Variants in PCDH9 observed in about 807,000 individuals in gnomAD.
PCDH9 encodes the protein protocadherin 9, also known as protocadherin-9.
A neutral mutation model predicts 70.6 loss-of-function variants in PCDH9; 24 were observed. The ratio of observed to expected loss-of-function variants is 0.34; its 90% CI spans 0.25 to 0.48. The LOEUF (loss-of-function observed/expected upper bound fraction) is 0.48. Among genes scored for constraint, PCDH9 ranks in the 20% least tolerant of loss-of-function variants. The pLI is 0.99. For synonymous variants in PCDH9, 562 were observed against 558.5 expected (o/e 1.01, Z -0.09); for missense variants, 1,281 against 1,503.6 (o/e 0.85, Z 2.45).
intron 4 of PCDH9, among the ~76,000 whole-genome samples, chr13:66,568,366 G>A (rs2076681700): frequency 6.6e-6 from 1 of 151,754 alleles, no homozygotes; most frequent in South Asian, 2.1e-4. Flanking sequence ...TTTTACAGCA[G>A]ACTAAGATAA....
rs140924730 is a variant in PCDH9 at position 66,873,717 on chromosome 13, A to C, written c.3138+29787T>G. ...CTTCCCAAGCCTTCCTCTTTTCCAG[A>C]TATACCATATTCCTGGTTGCCACAG... On this transcript the variant is annotated intron_variant, in intron 3 of 4. Coordinates refer to ENST00000377865, the MANE Select transcript of PCDH9 (RefSeq NM_203487.3). Among the ~76,000 whole-genome samples, 172 of 152,040 alleles carry C rather than the reference A, an allele frequency of 1.1e-3. 1 individual carries two copies. Among genetic ancestry groups the C allele is most frequent in the African/African-American group, 3.9e-3 (163 of 41,484 alleles).
At chr13:66,676,035 C>T (rs925111704) in intron 3 of PCDH9, among the ~76,000 whole-genome samples, 9 of 152,152 alleles carry the variant, frequency 5.9e-5, no homozygotes, top group African/African-American at 1.9e-4. Context: ...TGCATCTAGA[C>T]GATTTTGACA....
intron 4 of PCDH9, among the ~76,000 whole-genome samples, chr13:66,485,846 A>C (rs923568515): frequency 6.6e-6 from 1 of 151,516 alleles, no homozygotes; most frequent in Non-Finnish European, 1.5e-5. Flanking sequence ...GGTTCAAGTG[A>C]TTCTCATGTA....
In PCDH9 at chr13:67,172,972, C is replaced by T. The variant is rs1039085576; in HGVS notation, c.3036+52433G>A. Among the ~76,000 whole-genome samples, 6 of 150,034 alleles carry T rather than the reference C, an allele frequency of 4.0e-5. No individual in the cohort carries two copies. The East Asian group carries it at 1.2e-3, about 30-fold the overall frequency. ...AAAGTCTTAAATATTGCAGGACTAA[C>T]TAAAATAATGCAGAAAACATAACTT... On this transcript the variant is annotated intron_variant, in intron 2 of 4. Transcript: ENST00000377865.
intron 3 of PCDH9, among the ~76,000 whole-genome samples, chr13:66,713,352 G>C (rs2078820820): frequency 1.3e-5 from 2 of 151,772 alleles, no homozygotes; most frequent in Admixed American, 6.6e-5. Context: ...AATGATTGCT[G>C]TCTTAGGAAA....
intron 4 of PCDH9, among the ~76,000 whole-genome samples, chr13:66,585,805 G>C (rs1169444810): frequency 1.3e-5 from 2 of 152,034 alleles, no homozygotes; most frequent in Non-Finnish European, 2.9e-5. Context: ...CTGTATTGCG[G>C]TGTGCAGAGG....
chr13:66,887,465 T>C (rs1449083108), intron 3 of PCDH9, among the ~76,000 whole-genome samples: 2 of 152,196 alleles, frequency 1.3e-5, no homozygotes, highest in Non-Finnish European at 2.9e-5. Context: ...AGTATATTTG[T>C]ATAATGTGGA....
intron 2 of PCDH9, among the ~76,000 whole-genome samples, chr13:67,190,145 T>G (rs2088870764): frequency 6.6e-6 from 1 of 151,992 alleles, no homozygotes; most frequent in African/African-American, 2.4e-5. Flanking sequence ...GAAATTGTAC[T>G]CTAAATTCCT....
chr13:66,767,272 T>C (rs2079732806), intron 3 of PCDH9, among the ~76,000 whole-genome samples: 2 of 151,082 alleles, frequency 1.3e-5, no homozygotes, highest in African/African-American at 4.9e-5. Flanking sequence ...CTGGAGAATG[T>C]AGATGTGTTA....
At chr13:67,044,396 C>A (rs966285285) in intron 2 of PCDH9, among the ~76,000 whole-genome samples, 7 of 152,054 alleles carry the variant, frequency 4.6e-5, no homozygotes, top group Non-Finnish European at 7.4e-5. Flanking sequence ...CAAAATGATA[C>A]CCCAAATGCC....
intron 3 of PCDH9, among the ~76,000 whole-genome samples, chr13:66,651,704 A>G (rs1057076491): frequency 6.6e-6 from 1 of 152,078 alleles, no homozygotes; most frequent in Non-Finnish European, 1.5e-5. Flanking sequence ...ACAAAAACAC[A>G]TTAAAAACAG....
chr13:66,856,099 C>T (rs1315290697), intron 3 of PCDH9, among the ~76,000 whole-genome samples: 5 of 151,670 alleles, frequency 3.3e-5, no homozygotes, highest in Admixed American at 2.0e-4. Context: ...TTCTTTATTC[C>T]TTTTACTTTC....
chr13:66,800,296 T>A (rs1381708927), intron 3 of PCDH9, among the ~76,000 whole-genome samples: 3 of 152,062 alleles, frequency 2.0e-5, no homozygotes, highest in South Asian at 4.1e-4. Context: ...GTTGAAAGAA[T>A]CACTCCTCAT....
At chr13:66,634,668 C>A (rs1049426559) in intron 3 of PCDH9, among the ~76,000 whole-genome samples, 4 of 152,234 alleles carry the variant, frequency 2.6e-5, no homozygotes, top group African/African-American at 9.6e-5. Context: ...CTATGCAATA[C>A]TTGATACATT....
intron 3 of PCDH9, among the ~76,000 whole-genome samples, chr13:66,865,498 A>G (rs886499791): frequency 6.6e-6 from 1 of 152,204 alleles, no homozygotes; most frequent in African/African-American, 2.4e-5. Flanking sequence ...ATATCTTTTG[A>G]TCCTTTTCAG....
Position 67,227,859 on chromosome 13 carries a change from T to C in PCDH9, c.582A>G (p.Glu194=). Reference sequence around the variant, plus strand: ...GTGGCCACTTCTCTCCCTCTGGAGTTTCCACGATATCCAGTCCAAAAACAC... The same window carrying C: ...GTGGCCACTTCTCTCCCTCTGGAGTCTCCACGATATCCAGTCCAAAAACAC... ...GQSVFGLDIV[E]TPEGEKWPQL... The change falls in exon 2 of 5, where the codon GAA becomes GAG. Residue 194 remains glutamate, a synonymous_variant. Transcript: ENST00000377865. The surrounding 1 kb of genome is among the most constrained non-coding windows in gnomAD (Gnocchi z 4.6). 1 of 1,614,094 alleles carries C rather than the reference T, an allele frequency of 6.2e-7. No homozygotes were observed. The highest frequency in any genetic ancestry group is 8.5e-7 in the Non-Finnish European group (1 of 1,179,950).
chr13:66,409,568 C>CTAGG (rs146030849), intron 4 of PCDH9, among the ~76,000 whole-genome samples: 65,025 of 151,494 alleles, frequency 0.43, 14,758 homozygotes, highest in South Asian at 0.53. Context: ...CTCTTTATCC[C>CTAGG]TAGGTGTTCC....
At chr13:66,687,169 C>T (rs2078416007) in intron 3 of PCDH9, among the ~76,000 whole-genome samples, 1 of 152,002 alleles carries the variant, frequency 6.6e-6, no homozygotes, top group Admixed American at 6.6e-5. Flanking sequence ...GTTTGTATGT[C>T]CAAACTGAAG....
chr13:66,399,250 C>A (rs1173334263), intron 4 of PCDH9, among the ~76,000 whole-genome samples: 1 of 152,170 alleles, frequency 6.6e-6, no homozygotes, highest in Non-Finnish European at 1.5e-5. Context: ...TACCTAGGCT[C>A]TTCCCTTGAT....
Sources: allele counts gnomAD v4.1 joint callset (sites outside exome capture counted in the v4.1 genomes callset), GRCh38; gene constraint gnomAD v4.1.1; non-coding constraint Gnocchi (gnomAD v3.1); transcripts MANE v1.5; gene names NCBI Gene and HGNC (gene_info 2026-07-23, HGNC 2026-07-21).